CNTNAP2: variants seen among roughly 807,000 people sequenced by gnomAD.
CNTNAP2 encodes the protein contactin-associated protein-like 2.
In CNTNAP2, 98 loss-of-function variants were observed where a neutral mutation model predicts 155.2. That is an observed-to-expected ratio of 0.63 (90% CI 0.54 to 0.75). CNTNAP2 has a LOEUF of 0.75. Among genes scored for constraint, CNTNAP2 ranks in the 30% least tolerant of loss-of-function variants. The pLI, the probability that CNTNAP2 is intolerant of heterozygous loss-of-function variation, is 0.00. For missense variants in CNTNAP2, 1,727 were observed against 1,688.1 expected (o/e 1.02, Z -0.40); for synonymous variants, 651 against 631.2 (o/e 1.03, Z -0.47).
At chr7:146,478,389 T>G (rs1796910943) in intron 1 of CNTNAP2, among the ~76,000 whole-genome samples, 1 of 151,644 alleles carries the variant, frequency 6.6e-6, no homozygotes, top group Non-Finnish European at 1.5e-5. Flanking sequence ...CTCACAGTGC[T>G]AATTAAGTTC....
chr7:146,349,768 A>C (rs7779911), intron 1 of CNTNAP2, among the ~76,000 whole-genome samples: 35,179 of 151,804 alleles, frequency 0.23, 8,507 homozygotes, highest in African/African-American at 0.62. Context: ...GTTGAAAATT[A>C]TTTTCTTTAA....
At chr7:148,107,847 T>C (rs773033052) in intron 15 of CNTNAP2, among the ~76,000 whole-genome samples, 8 of 152,208 alleles carry the variant, frequency 5.3e-5, no homozygotes, top group Non-Finnish European at 1.0e-4. Context: ...GTGTTTGCCA[T>C]TTACAGCAGA....
chr7:146,162,023 A>C (rs1311990549), intron 1 of CNTNAP2, among the ~76,000 whole-genome samples: 6 of 152,354 alleles, frequency 3.9e-5, no homozygotes, highest in South Asian at 2.1e-4. Flanking sequence ...AAGATGGATT[A>C]AAGACTTAAA....
At chr7:148,236,673 G>A (rs1796046041) in intron 20 of CNTNAP2, among the ~76,000 whole-genome samples, 1 of 152,144 alleles carries the variant, frequency 6.6e-6, no homozygotes, top group Admixed American at 6.5e-5. Flanking sequence ...AAATACCTGA[G>A]ACTGAGTAAT....
chr7:147,088,737 G>A (rs1045994435), intron 4 of CNTNAP2, among the ~76,000 whole-genome samples: 3 of 152,100 alleles, frequency 2.0e-5, no homozygotes, highest in Non-Finnish European at 4.4e-5. Context: ...TTGAGCCTAC[G>A]AGTTCAAGAT....
chr7:146,137,015 A>G (rs774215314), intron 1 of CNTNAP2, among the ~76,000 whole-genome samples: 38 of 152,264 alleles, frequency 2.5e-4, no homozygotes, highest in Non-Finnish European at 4.1e-4. Context: ...AGAAAAACGA[A>G]CTGTTAAAAT....
chr7:146,824,906 G>A (rs1481859214), intron 2 of CNTNAP2, among the ~76,000 whole-genome samples: 1 of 135,704 alleles, frequency 7.4e-6, no homozygotes. Flanking sequence ...TCTCTACATT[G>A]TCATTTTAGC....
At chr7:146,788,825 T>TTTTTGTTTTG (rs372040102) in intron 2 of CNTNAP2, among the ~76,000 whole-genome samples, 17 of 152,022 alleles carry the variant, frequency 1.1e-4, no homozygotes, top group African/African-American at 3.1e-4. Context: ...TCCACGTGTT[T>TTTTTGTTTTG]TTTTGTTTTG....
At chr7:147,425,678 T>C (rs1465236195) in intron 10 of CNTNAP2, among the ~76,000 whole-genome samples, 2 of 152,178 alleles carry the variant, frequency 1.3e-5, no homozygotes, top group Non-Finnish European at 2.9e-5. Flanking sequence ...TGATAAAGAA[T>C]GCTTCTACTG....
In CNTNAP2 at chr7:146,857,627, A is replaced by C. The variant is rs78254849; in HGVS notation, c.402+17723A>C. On this transcript the variant is annotated intron_variant, in intron 3 of 23. Transcript: ENST00000361727. Reference sequence around the variant, plus strand: ...AGGAAAAAGAAGTTAGACCAAGAGAACGACTGAGAAACAATGGGAGGGGCA... The same window carrying C: ...AGGAAAAAGAAGTTAGACCAAGAGACCGACTGAGAAACAATGGGAGGGGCA... Among the ~76,000 whole-genome samples the C allele has an allele frequency of 9.5e-3, 1,442 of 152,298 alleles. 13 individuals carry two copies. Among genetic ancestry groups the C allele is most frequent in the Non-Finnish European group, 0.015 (989 of 68,024 alleles).
intron 15 of CNTNAP2, among the ~76,000 whole-genome samples, chr7:148,044,951 C>T (rs1802750368): frequency 6.6e-6 from 1 of 152,162 alleles, no homozygotes; most frequent in Non-Finnish European, 1.5e-5. Context: ...CTCAGCCTCT[C>T]AAAGTGCTGA....
intron 10 of CNTNAP2, among the ~76,000 whole-genome samples, chr7:147,440,377 C>T (rs1240529973): frequency 6.6e-6 from 1 of 151,940 alleles, no homozygotes; most frequent in Non-Finnish European, 1.5e-5. Context: ...TAATTTCGTC[C>T]CCTGGTTTTT....
intron 1 of CNTNAP2, among the ~76,000 whole-genome samples, chr7:146,189,894 C>T (rs1476996603): frequency 6.6e-6 from 1 of 152,124 alleles, no homozygotes; most frequent in Non-Finnish European, 1.5e-5. Context: ...ACTCTTTTAA[C>T]AATATGAAAT....
chr7:148,315,990 G>A (rs140083675), intron 21 of CNTNAP2, among the ~76,000 whole-genome samples: 9 of 151,818 alleles, frequency 5.9e-5, no homozygotes, highest in Middle Eastern at 3.4e-3. Flanking sequence ...ACTTTTTGCC[G>A]GACTTAGTAC....
intron 13 of CNTNAP2, among the ~76,000 whole-genome samples, chr7:147,813,507 A>G (rs1798214698): frequency 6.6e-6 from 1 of 152,196 alleles, no homozygotes; most frequent in Non-Finnish European, 1.5e-5. Context: ...ATAGCATCCA[A>G]CAGGGTTACC....
intron 8 of CNTNAP2, among the ~76,000 whole-genome samples, chr7:147,190,022 G>A (rs1463710796): frequency 6.6e-6 from 1 of 152,110 alleles, no homozygotes; most frequent in African/African-American, 2.4e-5. Flanking sequence ...AGGATTACAG[G>A]TGTGAGCCAC....
chr7:147,100,680 G>T (rs1054580610), intron 4 of CNTNAP2, among the ~76,000 whole-genome samples: 2 of 152,120 alleles, frequency 1.3e-5, no homozygotes, highest in African/African-American at 4.8e-5. Flanking sequence ...GTATAAATCT[G>T]TACTCTTAGA....
chr7:148,002,124 G>C (rs1801909491), intron 15 of CNTNAP2, among the ~76,000 whole-genome samples: 1 of 152,138 alleles, frequency 6.6e-6, no homozygotes, highest in Non-Finnish European at 1.5e-5. Context: ...TGCATGTATA[G>C]TTAATTATTA....
rs57015319 is a variant in CNTNAP2 at position 146,867,781 on chromosome 7, C to CG, written c.402+27877_402+27878insG. Among the ~76,000 whole-genome samples, 598 of 150,802 alleles carry CG rather than the reference C, an allele frequency of 4.0e-3. 1 individual carries two copies. Among genetic ancestry groups the CG allele is most frequent in the African/African-American group, 9.8e-3 (403 of 41,206 alleles). ...GTTCTCTAATGATCAGTGATAGTGA[C>CG]TTTTTTTTTTCATATGCTCGTTGGC... On this transcript the variant is annotated intron_variant, in intron 3 of 23. Coordinates refer to ENST00000361727, the MANE Select transcript of CNTNAP2 (RefSeq NM_014141.6).
Sources: allele counts gnomAD v4.1 joint callset (sites outside exome capture counted in the v4.1 genomes callset), GRCh38; gene constraint gnomAD v4.1.1; transcripts MANE v1.5; gene names NCBI Gene and HGNC (gene_info 2026-07-23, HGNC 2026-07-21).